CNTNAP2: variants seen among roughly 807,000 people sequenced by gnomAD.
CNTNAP2 encodes contactin associated protein 2.
Under a neutral mutation model 155.2 loss-of-function variants are expected in CNTNAP2, and 98 were observed. That is an observed-to-expected ratio of 0.63 (90% confidence interval 0.54 to 0.75). The LOEUF (loss-of-function observed/expected upper bound fraction) is 0.75, where lower values mean the gene tolerates loss of function less well. CNTNAP2 is among the 30% of genes least tolerant of loss of function. The pLI is 0.00. For missense variants in CNTNAP2, 1,727 were observed against 1,688.1 expected (o/e 1.02, Z -0.40); for synonymous variants, 651 against 631.2 (o/e 1.03, Z -0.47).
intron 3 of CNTNAP2, among the ~76,000 whole-genome samples, chr7:147,036,671 A>G (rs1799156328): frequency 1.3e-5 from 2 of 152,164 alleles, no homozygotes; most frequent in African/African-American, 4.8e-5. Flanking sequence ...TTTCAATGAT[A>G]AATTTGGCTG....
intron 10 of CNTNAP2, among the ~76,000 whole-genome samples, chr7:147,454,406 A>G (rs1213091120): frequency 6.6e-6 from 1 of 152,088 alleles, no homozygotes; most frequent in African/African-American, 2.4e-5. Context: ...TTTCTACTGT[A>G]TTATACAGTA....
chr7:147,301,987 A>G (rs144164491), intron 9 of CNTNAP2, among the ~76,000 whole-genome samples: 2 of 152,290 alleles, frequency 1.3e-5, no homozygotes, highest in African/African-American at 4.8e-5. Context: ...TTAATCTTCC[A>G]TAATATTTGT....
chr7:146,947,422 A>G (rs1169508048), intron 3 of CNTNAP2, among the ~76,000 whole-genome samples: 1 of 141,094 alleles, frequency 7.1e-6, no homozygotes, highest in Admixed American at 7.2e-5. Context: ...ATATATATAT[A>G]TATATATACA....
chr7:147,319,614 G>A (rs1180504882), intron 9 of CNTNAP2, among the ~76,000 whole-genome samples: 1 of 152,144 alleles, frequency 6.6e-6, no homozygotes, highest in Admixed American at 6.6e-5. Context: ...CTGAGCTTAG[G>A]TAATTTGCCC....
At chr7:148,153,846 C>G (rs771997572) in intron 17 of CNTNAP2, among the ~76,000 whole-genome samples, 6 of 152,218 alleles carry the variant, frequency 3.9e-5, no homozygotes, top group Non-Finnish European at 7.4e-5. Context: ...GGGAGCCAAG[C>G]AGGCTGTTCA....
intron 1 of CNTNAP2, among the ~76,000 whole-genome samples, chr7:146,130,118 C>T (rs1391266428): frequency 6.6e-6 from 1 of 152,136 alleles, no homozygotes; most frequent in East Asian, 1.9e-4. Flanking sequence ...TAAATTATCC[C>T]GCTTAATTGT....
At chr7:147,438,409 A>C (rs1219563844) in intron 10 of CNTNAP2, among the ~76,000 whole-genome samples, 1 of 152,058 alleles carries the variant, frequency 6.6e-6, no homozygotes, top group Admixed American at 6.6e-5. Flanking sequence ...ATGATGTATC[A>C]CATTGATTTG....
At chr7:147,708,554 C>T (rs1796352918) in intron 13 of CNTNAP2, among the ~76,000 whole-genome samples, 1 of 152,124 alleles carries the variant, frequency 6.6e-6, no homozygotes, top group Non-Finnish European at 1.5e-5. Flanking sequence ...AATGCCTTCA[C>T]TTGGTCTCCT....
At position 147,639,126 on chromosome 7, in the gene CNTNAP2, G is replaced by T; in HGVS notation, c.1918G>T (p.Val640Leu). 2 of 1,614,086 alleles carry T rather than the reference G, an allele frequency of 1.2e-6. No homozygotes were observed. The highest frequency in any genetic ancestry group is 1.7e-6 in the Non-Finnish European group (2 of 1,179,994). The change falls in exon 13 of 24, where the codon GTG becomes TTG. Residue 640 changes from valine (V) to leucine (L), a missense_variant. Coordinates refer to ENST00000361727, the MANE Select transcript of CNTNAP2 (RefSeq NM_014141.6). ...CACAGAGGACAAAGTGTGGACCATA[G>T]TGTCTCATGACTTGCAGATGCAGAC... ...NMTEDKVWTI[V>L]SHDLQMQTPV...
rs965591167 is a variant in CNTNAP2, at chr7:146,661,658, C to T, written c.98-112613C>T. Among the ~76,000 whole-genome samples the T allele has an allele frequency of 4.6e-5, 7 of 151,814 alleles. No individual in the cohort carries two copies. The South Asian group carries it at 6.3e-4, about 14-fold the overall frequency. ...CATTGTATCATAATTTATGTATGTG[C>T]CAGAGTTGTTTGCTTATCCACTCAC... On this transcript the variant is annotated intron_variant, in intron 1 of 23. Transcript: ENST00000361727.
chr7:148,342,789 CA>C (rs1396177423), intron 21 of CNTNAP2, among the ~76,000 whole-genome samples: 1 of 152,170 alleles, frequency 6.6e-6, no homozygotes, highest in Non-Finnish European at 1.5e-5. Context: ...AGGTTTTAAC[CA>C]CTTAAAGTAA....
chr7:148,028,780 A>T (rs574915640), intron 15 of CNTNAP2, among the ~76,000 whole-genome samples: 1 of 152,126 alleles, frequency 6.6e-6, no homozygotes, highest in East Asian at 1.9e-4. Flanking sequence ...AACCACATCA[A>T]CCTCAAAGCC....
chr7:147,986,100 C>T (rs1174664824), intron 15 of CNTNAP2, among the ~76,000 whole-genome samples: 2 of 152,138 alleles, frequency 1.3e-5, no homozygotes, highest in African/African-American at 4.8e-5. Context: ...GTTCTGAAAG[C>T]TTATCTCTGA....
intron 1 of CNTNAP2, among the ~76,000 whole-genome samples, chr7:146,249,032 G>C (rs1281196043): frequency 1.3e-5 from 2 of 152,066 alleles, no homozygotes; most frequent in South Asian, 2.1e-4. Context: ...GGTACTCAGT[G>C]GGGGAGCTTT....
chr7:147,078,166 T>C (rs1228283502), intron 4 of CNTNAP2, among the ~76,000 whole-genome samples: 2 of 152,220 alleles, frequency 1.3e-5, no homozygotes, highest in Non-Finnish European at 1.5e-5. Flanking sequence ...TAAGACTTTA[T>C]CTCTGCTGCA....
intron 9 of CNTNAP2, among the ~76,000 whole-genome samples, chr7:147,321,618 C>G (rs1418722282): frequency 6.6e-6 from 1 of 152,102 alleles, no homozygotes; most frequent in Non-Finnish European, 1.5e-5. Context: ...CTAAACACAG[C>G]AAGAAGGAGC....
At chr7:147,179,567 C>A (rs1802414483) in intron 8 of CNTNAP2, among the ~76,000 whole-genome samples, 1 of 152,094 alleles carries the variant, frequency 6.6e-6, no homozygotes, top group Admixed American at 6.5e-5. Flanking sequence ...AGAGTGAAAC[C>A]AGTTGACCCA....
At chr7:148,149,953 A>G (rs1805264852) in intron 17 of CNTNAP2, among the ~76,000 whole-genome samples, 1 of 152,164 alleles carries the variant, frequency 6.6e-6, no homozygotes, top group South Asian at 2.1e-4. Flanking sequence ...TCTTTTGACT[A>G]GAAAATAGTC....
intron 13 of CNTNAP2, among the ~76,000 whole-genome samples, chr7:147,770,190 T>C (rs1185402221): frequency 6.6e-6 from 1 of 152,246 alleles, no homozygotes; most frequent in Non-Finnish European, 1.5e-5. Context: ...TCTTGCTGTC[T>C]CCATTATGTG....
Sources: gnomAD v4.1 joint callset for allele counts (sites outside exome capture counted in the v4.1 genomes callset) on GRCh38, gnomAD v4.1.1 for gene constraint, MANE v1.5 for transcripts, NCBI Gene and HGNC (gene_info 2026-07-23, HGNC 2026-07-21) for gene names.